Variants in PVALEF observed in about 807,000 individuals in gnomAD.
The protein encoded by PVALEF is parvalbumin like EF-hand containing, also known as parvalbumin-like EF-hand-containing protein.
PVALEF carries 2 observed loss-of-function variants against 1.2 expected under a neutral mutation model. That is an observed-to-expected ratio of 1.68 (90% CI 0.69 to 5.28). The LOEUF (loss-of-function observed/expected upper bound fraction) is 5.28, where lower values mean the gene tolerates loss of function less well. Among genes scored for constraint, PVALEF ranks in the 30% most tolerant of loss-of-function variants. PVALEF has a pLI of 0.06. For synonymous variants in PVALEF, 16 were observed against 6.5 expected, an observed-to-expected ratio of 2.47 and a Z score of -2.24; for missense variants, 35 against 17.7, an observed-to-expected ratio of 1.97 and a Z score of -1.75.
chr17:81,178,434 C>T (rs2061542587), intron 2 of PVALEF, among the ~76,000 whole-genome samples: 1 of 152,188 alleles, frequency 6.6e-6, no homozygotes, highest in African/African-American at 2.4e-5. Context: ...TATTCAGAGC[C>T]AGCCAGGGAT....
chr17:81,174,012 T>A (rs1350452150), intron 2 of PVALEF, among the ~76,000 whole-genome samples: 2 of 152,212 alleles, frequency 1.3e-5, no homozygotes, highest in African/African-American at 4.8e-5. Context: ...ATTTGATCAG[T>A]GTGATACACC....
intron 5 of PVALEF, 61 bp from the exon 6 acceptor site, chr17:81,181,905 G>A (rs1223429644): frequency 7.5e-6 from 3 of 398,284 alleles, no homozygotes; most frequent in Admixed American, 4.4e-5. Context: ...CGAACGGCTC[G>A]TGAGTCACTG....
At chr17:81,174,798 A>G (rs1431263904) in intron 2 of PVALEF, among the ~76,000 whole-genome samples, 2 of 151,306 alleles carry the variant, frequency 1.3e-5, no homozygotes, top group African/African-American at 4.9e-5. Flanking sequence ...AAATACAAAA[A>G]ATTAGCCGAG....
chr17:81,179,849 G>A (rs903083888), intron 3 of PVALEF, among the ~76,000 whole-genome samples: 6 of 152,166 alleles, frequency 3.9e-5, no homozygotes, highest in Non-Finnish European at 8.8e-5. Context: ...AGCCCAGCCT[G>A]GAGGCTCCAG....
intron 2 of PVALEF, among the ~76,000 whole-genome samples, chr17:81,178,695 C>T (rs2061543476): frequency 6.6e-6 from 1 of 152,154 alleles, no homozygotes; most frequent in South Asian, 2.1e-4. Flanking sequence ...GGGCAGGGTC[C>T]CCAGCCTCAA....
At position 81,182,055 on chromosome 17, in the gene PVALEF, A is replaced by G; in HGVS notation, c.332A>G (p.His111Arg). ...AEAMIQAADTHGDGRINYEEF... is the reference protein window; with the variant it reads ...AEAMIQAADTRGDGRINYEEF... The stretch of plus-strand genomic sequence containing the variant: ...GCCATGATCCAGGCGGCAGACACAC[A>G]CGGGGACGGGAGGATCAACTACGAA... Residue 111 changes from histidine to arginine, a missense_variant, in exon 6 of 7, where the codon CAC becomes CGC. Coordinates refer to ENST00000637878, the MANE Select transcript of PVALEF (RefSeq NM_001354639.2). 1 of 398,682 alleles carries G rather than the reference A, an allele frequency of 2.5e-6. No individual in the cohort carries two copies. 24.7% of individuals were successfully genotyped at this position (398,682 alleles called of 1,614,324 possible).
At chr17:81,170,438 T>C (rs569038897) in intron 2 of PVALEF, among the ~76,000 whole-genome samples, 2 of 152,200 alleles carry the variant, frequency 1.3e-5, no homozygotes, top group East Asian at 3.9e-4. Context: ...TGCTCCAGTC[T>C]GGCCTCCTCT....
At chr17:81,175,133 T>C (rs556477041) in intron 2 of PVALEF, among the ~76,000 whole-genome samples, 2 of 152,268 alleles carry the variant, frequency 1.3e-5, no homozygotes, top group South Asian at 4.1e-4. Flanking sequence ...TGAAAAGGAT[T>C]ATCCAATTTG....
chr17:81,174,924 G>C (rs1210760984), intron 2 of PVALEF, among the ~76,000 whole-genome samples: 1 of 148,140 alleles, frequency 6.8e-6, no homozygotes, highest in Non-Finnish European at 1.5e-5. Flanking sequence ...ACTCCAGCCT[G>C]GGTGACAGAG....
At chr17:81,176,698 C>T (rs568344976) in intron 2 of PVALEF, among the ~76,000 whole-genome samples, 5 of 152,096 alleles carry the variant, frequency 3.3e-5, no homozygotes, top group African/African-American at 9.6e-5. Flanking sequence ...GGAAACTCTA[C>T]GGCAGCTCCT....
At chr17:81,166,604 G>C (rs1055645224) in intron 1 of PVALEF, 73 bp from the exon 2 acceptor site, 3 of 440,404 alleles carry the variant, frequency 6.8e-6, no homozygotes, top group Non-Finnish European at 1.4e-5. Flanking sequence ...AAGGTTCAGG[G>C]AGACAGGTGG....
chr17:81,170,558 G>A (rs1451436809), intron 2 of PVALEF, among the ~76,000 whole-genome samples: 3 of 152,154 alleles, frequency 2.0e-5, no homozygotes, highest in Non-Finnish European at 2.9e-5. Context: ...CGATGGGAGT[G>A]CAGGGCATGG....
intron 3 of PVALEF, 136 bp from the exon 4 acceptor site, chr17:81,180,987 C>T: frequency 2.1e-6 from 1 of 472,870 alleles, no homozygotes; most frequent in South Asian, 3.1e-5. Flanking sequence ...GTGAGGCGCA[C>T]AGGATGGCCC....
intron 5 of PVALEF, 126 bp downstream of exon 5, chr17:81,181,820 G>C (rs1410126320): frequency 5.0e-6 from 2 of 397,916 alleles, no homozygotes; most frequent in Non-Finnish European, 8.8e-6. Context: ...GGCTGGGCCA[G>C]AACCAGCTAG....
chr17:81,174,144 C>G (rs998064202), intron 2 of PVALEF, among the ~76,000 whole-genome samples: 1 of 152,112 alleles, frequency 6.6e-6, no homozygotes, highest in Non-Finnish European at 1.5e-5. Flanking sequence ...CTACCTCAAC[C>G]ATCCATGGTG....
intron 3 of PVALEF, among the ~76,000 whole-genome samples, chr17:81,180,615 C>T (rs1301506506): frequency 6.6e-6 from 1 of 152,172 alleles, no homozygotes; most frequent in African/African-American, 2.4e-5. Context: ...CCCCACATCA[C>T]ATGGCAGCTG....
At chr17:81,168,859 C>G (rs772078996) in intron 2 of PVALEF, among the ~76,000 whole-genome samples, 8 of 152,122 alleles carry the variant, frequency 5.3e-5, no homozygotes, top group South Asian at 2.1e-4. Context: ...TAGGGGGCAC[C>G]CAAAAACTCA....
chr17:81,178,517 C>A (rs1057049578), intron 2 of PVALEF, among the ~76,000 whole-genome samples: 12 of 152,168 alleles, frequency 7.9e-5, no homozygotes, highest in Admixed American at 3.9e-4. Flanking sequence ...TAAACTTTGT[C>A]CCATATGAAC....
chr17:81,166,056 G>C, intron 1 of PVALEF: 1 of 1,181,260 alleles, frequency 8.5e-7, no homozygotes. Context: ...CGCGGCCCCG[G>C]CCCGAGCCGC....
Sources: allele counts gnomAD v4.1 joint callset (sites outside exome capture counted in the v4.1 genomes callset), GRCh38; gene constraint gnomAD v4.1.1; transcripts MANE v1.5; gene names NCBI Gene and HGNC (gene_info 2026-07-23, HGNC 2026-07-21).